The following CYFIP2 variants were observed in gnomAD, a reference collection of about 807,000 sequenced individuals.
CYFIP2 encodes cytoplasmic FMR1 interacting protein 2, also known as cytoplasmic FMR1-interacting protein 2.
A neutral mutation model predicts 158.7 loss-of-function variants in CYFIP2; 29 were observed. The observed-to-expected ratio is 0.18, with a 90% CI of 0.14 to 0.25. The LOEUF (loss-of-function observed/expected upper bound fraction) is 0.25. CYFIP2 is among the 10% of genes least tolerant of loss of function. The pLI is 1.00. For missense variants in CYFIP2, 852 were observed against 1,639.5 expected (o/e 0.52, Z 8.29); for synonymous variants, 585 against 617.6 (o/e 0.95, Z 0.78).
intron 5 of CYFIP2, 100 bp from the exon 6 acceptor site, chr5:157,300,613 CTT>C (rs1758665546): frequency 1.8e-6 from 2 of 1,113,624 alleles, no homozygotes; most frequent in Non-Finnish European, 2.3e-6. Context: ...GCAGATTTGC[CTT>C]TCTCGAGAGG....
Position 157,381,057 on chromosome 5 carries a change from A to G in CYFIP2, c.3040-1533A>G, listed in dbSNP as rs191023715. ...TGGCAAAACCCCATCTCTACTAAAAATACAAAAATTAGCCAGGTTCAAACA... is the reference window on the plus strand; with the variant it reads ...TGGCAAAACCCCATCTCTACTAAAAGTACAAAAATTAGCCAGGTTCAAACA... On this transcript the variant is annotated intron_variant, in intron 26 of 30. Coordinates refer to ENST00000620254, the MANE Select transcript of CYFIP2 (RefSeq NM_001037333.3). Among the ~76,000 whole-genome samples the G allele has an allele frequency of 3.9e-4, 59 of 152,362 alleles. No individual in the cohort carries two copies. In the East Asian group the frequency reaches 7.3e-3, roughly 19 times the overall value.
At chr5:157,391,803 TGCTGG>T (rs1343491258) in intron 30 of CYFIP2, among the ~76,000 whole-genome samples, 8 of 151,638 alleles carry the variant, frequency 5.3e-5, no homozygotes, top group Admixed American at 4.6e-4. Flanking sequence ...GACGTGGAAT[TGCTGG>T]ATCGTATGGT....
chr5:157,270,475 C>G (rs1265649144), intron 1 of CYFIP2, among the ~76,000 whole-genome samples: 1 of 152,212 alleles, frequency 6.6e-6, no homozygotes, highest in African/African-American at 2.4e-5. Context: ...AGAGAATTTG[C>G]AGGGCTGACC....
At chr5:157,392,708 G>A (rs1322390801) in intron 30 of CYFIP2, 125 bp from the exon 31 acceptor site, 8 of 1,073,510 alleles carry the variant, frequency 7.5e-6, no homozygotes, top group Non-Finnish European at 1.1e-5. Flanking sequence ...TCCATAAAAG[G>A]ACTTTAAGAA....
rs182235984 is a variant in CYFIP2 at position 157,288,289 on chromosome 5, C to A, written c.207+1181C>A. On this transcript the variant is annotated intron_variant, in intron 3 of 30. Transcript: ENST00000620254. ...CACCCCCATAATAACAGCATTAATT[C>A]TTTCATGGGGGTAGAGCCCTCATGA... 2.6e-3 allele frequency among the ~76,000 whole-genome samples: 389 copies of A among 152,286 alleles called. 3 individuals carry two copies. Among genetic ancestry groups the A allele is most frequent in the Non-Finnish European group, 3.5e-3 (236 of 68,018 alleles).
chr5:157,351,235 G>A (rs759772350), intron 23 of CYFIP2, among the ~76,000 whole-genome samples: 8 of 152,076 alleles, frequency 5.3e-5, no homozygotes, highest in Non-Finnish European at 8.8e-5. Flanking sequence ...CTGGGCTTAC[G>A]AATAGTAGCT....
chr5:157,364,088 C>G (rs979326539), intron 26 of CYFIP2: 2 of 151,390 alleles, frequency 1.3e-5, no homozygotes, highest in African/African-American at 4.9e-5. Flanking sequence ...GTTTTTTACA[C>G]AGATCAGCAG....
At position 157,339,075 on chromosome 5, in the gene CYFIP2, G is replaced by C; in HGVS notation, c.2404G>C (p.Glu802Gln). Residue 802 changes from glutamate to glutamine, a missense_variant, in exon 22 of 31, where the codon GAG becomes CAG. Transcript: ENST00000620254. ...TSIVELEWLLEINRLTHRLLC... is the reference protein window; with the variant it reads ...TSIVELEWLLQINRLTHRLLC... ...TGTACAGGAGCTGGAGTGGCTGCTG[G>C]AGATTAACCGGCTCACGCATCGGCT... 6.2e-7 allele frequency: 1 copy of C among 1,611,794 alleles called. No individual in the cohort carries two copies. Among genetic ancestry groups the C allele is most frequent in the Non-Finnish European group, 8.5e-7 (1 of 1,179,068 alleles).
chr5:157,343,503 C>T, intron 23 of CYFIP2: 1 of 1,590,396 alleles, frequency 6.3e-7, no homozygotes, highest in Non-Finnish European at 8.6e-7. Context: ...ATGATGGCTC[C>T]TGTATAAGAA....
rs1017232395 is a variant in CYFIP2 at position 157,393,537 on chromosome 5, G to C, written c.*537G>C. Reference sequence around the variant, plus strand: ...ATCTTCTCCCACTCTGGGTACCAGGGATTCTACCACATAGGCTTCCCAAAG... The same window carrying C: ...ATCTTCTCCCACTCTGGGTACCAGGCATTCTACCACATAGGCTTCCCAAAG... On this transcript the variant is annotated 3_prime_UTR_variant, in exon 31 of 31. Coordinates refer to ENST00000620254, the MANE Select transcript of CYFIP2 (RefSeq NM_001037333.3). 6.8e-6 allele frequency: 1 copy of C among 147,114 alleles called. No homozygotes were observed. The highest frequency in any genetic ancestry group is 1.5e-5 in the Non-Finnish European group (1 of 68,442). The allele number at this position is 147,114 out of a possible 1,614,324, so 9.1% of individuals were successfully genotyped here. A position where few individuals can be genotyped will look rare whatever the true frequency, so the allele number is the denominator to read the frequency against.
chr5:157,278,294 T>C (rs895278685), intron 1 of CYFIP2, among the ~76,000 whole-genome samples: 1 of 152,182 alleles, frequency 6.6e-6, no homozygotes, highest in African/African-American at 2.4e-5. Context: ...ATGGAAAATA[T>C]TTCCTGGCCT....
chr5:157,299,378 C>T (rs1758545058), intron 5 of CYFIP2, among the ~76,000 whole-genome samples: 1 of 152,158 alleles, frequency 6.6e-6, no homozygotes, highest in Admixed American at 6.5e-5. Context: ...TGGAACACAC[C>T]TCAGGGCCTT....
At chr5:157,303,817 G>GC in intron 7 of CYFIP2, among the ~76,000 whole-genome samples, 1 of 151,864 alleles carries the variant, frequency 6.6e-6, no homozygotes, top group East Asian at 1.9e-4. Context: ...GGAGACACCT[G>GC]CCCCCCTCCC....
chr5:157,337,698 G>A (rs1761960106), intron 21 of CYFIP2, among the ~76,000 whole-genome samples: 1 of 152,202 alleles, frequency 6.6e-6, no homozygotes, highest in Admixed American at 6.5e-5. Context: ...GCATGAGGCT[G>A]CCTCCTGTGG....
intron 23 of CYFIP2, 118 bp downstream of exon 23, chr5:157,341,275 G>T (rs898333882): frequency 1.1e-6 from 1 of 911,616 alleles, no homozygotes; most frequent in African/African-American, 1.6e-5. Flanking sequence ...ATGAGGTCAG[G>T]CACAGTGGCT....
At chr5:157,344,118 A>T (rs1231596824) in intron 23 of CYFIP2, among the ~76,000 whole-genome samples, 1 of 151,976 alleles carries the variant, frequency 6.6e-6, no homozygotes, top group Non-Finnish European at 1.5e-5. Flanking sequence ...TCTCACCCCA[A>T]AGCTTCTGCT....
chr5:157,376,971 C>T, intron 26 of CYFIP2: 1 of 450,184 alleles, frequency 2.2e-6, no homozygotes, highest in Non-Finnish European at 4.5e-6. Flanking sequence ...TCTCTGACTC[C>T]ATAAACGGTA....
At chr5:157,386,877 G>A (rs113593531) in intron 28 of CYFIP2, among the ~76,000 whole-genome samples, 5 of 149,758 alleles carry the variant, frequency 3.3e-5, no homozygotes, top group Admixed American at 1.3e-4. Context: ...CCGAGATTGC[G>A]CCACTGCACT....
rs541603338 is a variant in CYFIP2 at position 157,311,558 on chromosome 5, C to G, written c.993-106C>G. The G allele has an allele frequency of 3.4e-5, 32 of 941,392 alleles. 1 individual carries two copies. In the South Asian group the frequency reaches 5.0e-4, roughly 15 times the overall value. 58.3% of individuals were successfully genotyped at this position (941,392 alleles called of 1,614,324 possible). A position where few individuals can be genotyped will look rare whatever the true frequency, so the allele number is the denominator to read the frequency against. On this transcript the variant is annotated intron_variant, in intron 10 of 30. Coordinates refer to ENST00000620254, the MANE Select transcript of CYFIP2 (RefSeq NM_001037333.3). This position sits in a 1 kb window ranked among gnomAD's most constrained non-coding sequence, Gnocchi z 4.7. ...GCGGCTGGGATACCATTTGGTGTCACCCAGGGGAGTTGGCCACGTGGGCTG... is the reference window on the plus strand; with the variant it reads ...GCGGCTGGGATACCATTTGGTGTCAGCCAGGGGAGTTGGCCACGTGGGCTG...
Sources: gnomAD v4.1 joint callset for allele counts (sites outside exome capture counted in the v4.1 genomes callset) on GRCh38, gnomAD v4.1.1 for gene constraint, Gnocchi (gnomAD v3.1) non-coding constraint, MANE v1.5 for transcripts, NCBI Gene and HGNC (gene_info 2026-07-23, HGNC 2026-07-21) for gene names.